ITGB5: variants seen among roughly 807,000 people sequenced by gnomAD.
ITGB5 encodes the protein integrin subunit beta 5, also known as integrin beta-5.
Under a neutral mutation model 84.8 loss-of-function variants are expected in ITGB5, and 38 were observed. The ratio of observed to expected loss-of-function variants is 0.45; its 90% CI spans 0.35 to 0.59. The LOEUF is 0.59. Ranked by LOEUF, ITGB5 falls within the 20% of genes least tolerant of loss-of-function variation. ITGB5 has a pLI of 0.01. For synonymous variants in ITGB5, 393 were observed against 414.4 expected (o/e 0.95, Z 0.63); for missense variants, 905 against 1,034.5 (o/e 0.87, Z 1.72).
intron 5 of ITGB5, among the ~76,000 whole-genome samples, chr3:124,836,011 T>C (rs944516661): frequency 2.6e-5 from 4 of 152,080 alleles, no homozygotes; most frequent in African/African-American, 9.7e-5. Context: ...CTGCGAGAAG[T>C]GGCACTGGCT....
chr3:124,897,658 A>C (rs1043916042), intron 1 of ITGB5, among the ~76,000 whole-genome samples: 1 of 152,188 alleles, frequency 6.6e-6, no homozygotes, highest in Non-Finnish European at 1.5e-5. Context: ...TCTCTACAAA[A>C]TAAAGAAAAA....
chr3:124,773,754 G>T lies in ITGB5; in HGVS notation c.1852C>A (p.Pro618Thr), dbSNP rs1008301942. The change falls in exon 11 of 15, where the codon CCG becomes ACG. Residue 618 changes from proline to threonine, a missense_variant. Pro to Thr is a conservative substitution (Grantham distance 38, BLOSUM62 -1). Around this residue, in one of 3 missense-constraint regions of ITGB5, gnomAD observed 116 missense variants for 177.0 expected, o/e 0.66. Transcript: ENST00000296181. ...TCACACATCTCCCCAAAGGCCCCCG[G>T]CTCCGTGCATTGGCACTGCCCACAG... ...CLCGQCQCTE[P>T]GAFGEMCEKC... 1.9e-6 allele frequency: 3 copies of T among 1,612,920 alleles called. No homozygotes were observed. In the African/African-American group the frequency reaches 4.0e-5, roughly 22 times the overall value.
chr3:124,786,184 TAACA>T (rs1380359522), intron 10 of ITGB5, among the ~76,000 whole-genome samples: 2 of 152,170 alleles, frequency 1.3e-5, no homozygotes, highest in African/African-American at 2.4e-5. Context: ...TGCAAAACAC[TAACA>T]AACGAGCCTG....
At chr3:124,793,833 T>C (rs984475896) in intron 10 of ITGB5, among the ~76,000 whole-genome samples, 1 of 152,232 alleles carries the variant, frequency 6.6e-6, no homozygotes, top group Non-Finnish European at 1.5e-5. Flanking sequence ...CCTACTTTAC[T>C]CTGCAATGAC....
chr3:124,863,331 A>G (rs970796645), intron 2 of ITGB5: 7 of 152,294 alleles, frequency 4.6e-5, no homozygotes, highest in Admixed American at 4.6e-4. Context: ...ACGGAGTCCA[A>G]ACAATTGCTG....
intron 5 of ITGB5, among the ~76,000 whole-genome samples, chr3:124,839,396 T>C (rs1017551680): frequency 6.6e-6 from 1 of 152,238 alleles, no homozygotes; most frequent in African/African-American, 2.4e-5. Flanking sequence ...GAAGGTTCCA[T>C]AGACATAGAC....
At chr3:124,875,295 T>A (rs374169298) in intron 1 of ITGB5, among the ~76,000 whole-genome samples, 61 of 152,142 alleles carry the variant, frequency 4.0e-4, no homozygotes, top group African/African-American at 1.5e-3. Context: ...CTGGGCAACA[T>A]GGTGAAACCC....
At chr3:124,812,937 C>G (rs1356714545) in intron 8 of ITGB5, among the ~76,000 whole-genome samples, 1 of 152,206 alleles carries the variant, frequency 6.6e-6, no homozygotes, top group South Asian at 2.1e-4. Context: ...GAGGTAAAAG[C>G]CAACACCCAC....
At chr3:124,886,528 G>A (rs1934816508) in intron 1 of ITGB5, among the ~76,000 whole-genome samples, 1 of 152,122 alleles carries the variant, frequency 6.6e-6, no homozygotes, top group Non-Finnish European at 1.5e-5. Flanking sequence ...ACAGGGCACC[G>A]ACGGCATCCC....
chr3:124,860,814 C>T (rs1007625821), intron 2 of ITGB5, among the ~76,000 whole-genome samples: 9 of 152,218 alleles, frequency 5.9e-5, no homozygotes, highest in African/African-American at 2.2e-4. Context: ...AGACTGCTGG[C>T]AGAGGCACAA....
chr3:124,790,739 G>A (rs1251867096), intron 10 of ITGB5, among the ~76,000 whole-genome samples: 1 of 152,088 alleles, frequency 6.6e-6, no homozygotes, highest in Non-Finnish European at 1.5e-5. Flanking sequence ...GGAGAGAACG[G>A]AGGATGCCCC....
intron 7 of ITGB5, 69 bp from the exon 8 acceptor site, chr3:124,817,779 T>C (rs1246412271): frequency 3.5e-6 from 3 of 848,604 alleles, no homozygotes. Context: ...TGAGCATTGC[T>C]ATACTGGGCT....
At chr3:124,829,404 C>T (rs185309662) in intron 5 of ITGB5, among the ~76,000 whole-genome samples, 160 of 152,352 alleles carry the variant, frequency 1.1e-3, no homozygotes, top group African/African-American at 3.6e-3. Context: ...GCCAGGCATC[C>T]GGTCAGGGCT....
At chr3:124,768,089 G>GT (rs2063792178) in intron 12 of ITGB5, among the ~76,000 whole-genome samples, 2 of 152,148 alleles carry the variant, frequency 1.3e-5, no homozygotes, top group South Asian at 4.2e-4. Flanking sequence ...CTCAGAAGCC[G>GT]TGACTGTAGT....
chr3:124,867,418 C>T (rs1384727001), intron 2 of ITGB5, among the ~76,000 whole-genome samples: 2 of 152,246 alleles, frequency 1.3e-5, no homozygotes, highest in Admixed American at 1.3e-4. Context: ...CTCCCAACTT[C>T]TGCAAACCCT....
chr3:124,765,279 C>A (rs1402902559), intron 13 of ITGB5, among the ~76,000 whole-genome samples: 1 of 152,126 alleles, frequency 6.6e-6, no homozygotes, highest in Admixed American at 6.5e-5. Flanking sequence ...GCTATTGGTC[C>A]CTGGGTCCAA....
At chr3:124,892,403 G>A (rs897125247), upstream of ITGB5, among the ~76,000 whole-genome samples, 1 of 151,300 alleles carries the variant, frequency 6.6e-6, no homozygotes, top group Non-Finnish European at 1.5e-5. Context: ...AGTTAAAATG[G>A]GCCAGGTGTG....
At chr3:124,813,538 C>T (rs909031067) in intron 8 of ITGB5, among the ~76,000 whole-genome samples, 5 of 152,190 alleles carry the variant, frequency 3.3e-5, no homozygotes, top group Non-Finnish European at 5.9e-5. Flanking sequence ...CATGACCCCT[C>T]TCCTTCTTTC....
upstream of ITGB5, among the ~76,000 whole-genome samples, chr3:124,891,997 G>GC (rs1282584490): frequency 6.6e-5 from 10 of 152,138 alleles, no homozygotes; most frequent in East Asian, 1.7e-3. Context: ...AAGAAATTCT[G>GC]TTATATTACA....
Sources: allele counts gnomAD v4.1 joint callset (sites outside exome capture counted in the v4.1 genomes callset), GRCh38; gene constraint gnomAD v4.1.1; regional missense constraint gnomAD v4.1.1; transcripts MANE v1.5; gene names NCBI Gene and HGNC (gene_info 2026-07-23, HGNC 2026-07-21).